TRHDE: variants seen among roughly 807,000 people sequenced by gnomAD.
TRHDE encodes the protein thyrotropin-releasing hormone-degrading ectoenzyme.
Under a neutral mutation model 125.7 loss-of-function variants are expected in TRHDE, and 72 were observed. The observed-to-expected ratio is 0.57, with a 90% CI of 0.47 to 0.70. The LOEUF is 0.70. Among genes scored for constraint, TRHDE ranks in the 30% least tolerant of loss-of-function variants. The pLI is 0.00. For synonymous variants in TRHDE, 509 were observed against 509.1 expected (o/e 1.00, Z 0.00); for missense variants, 1,110 against 1,327.1 (o/e 0.84, Z 2.54).
intron 2 of TRHDE, among the ~76,000 whole-genome samples, chr12:72,348,128 A>G (rs1006432804): frequency 6.6e-6 from 1 of 152,038 alleles, no homozygotes; most frequent in Non-Finnish European, 1.5e-5. Flanking sequence ...ATATGTATAT[A>G]CTTATATATA....
chr12:72,415,228 A>G (rs1351918669), intron 3 of TRHDE, among the ~76,000 whole-genome samples: 1 of 152,110 alleles, frequency 6.6e-6, no homozygotes, highest in Non-Finnish European at 1.5e-5. Flanking sequence ...TTTAGTTGTT[A>G]TGCATACATA....
In TRHDE at chr12:72,377,978, T is replaced by C. The variant is rs577240390; in HGVS notation, c.1189-17T>C. ...TGCTAAAAGGCTAAAGTAACTTTTA[T>C]ATATATTTTTAATTAGGTACGATTA... is the stretch of plus-strand genomic sequence containing the variant. On this transcript the variant is annotated splice_polypyrimidine_tract_variant and intron_variant, in intron 2 of 18. Transcript: ENST00000261180. The C allele has an allele frequency of 2.6e-6, 4 of 1,541,608 alleles. No individual in the cohort carries two copies. Among genetic ancestry groups the C allele is most frequent in the Non-Finnish European group, 3.5e-6 (4 of 1,147,714 alleles).
intron 2 of TRHDE, among the ~76,000 whole-genome samples, chr12:72,373,165 G>A (rs1198306617): frequency 6.6e-6 from 1 of 152,154 alleles, no homozygotes; most frequent in Non-Finnish European, 1.5e-5. Context: ...GTGAATGGGA[G>A]TTCACTCATG....
At chr12:72,350,374 T>C (rs747524968) in intron 2 of TRHDE, among the ~76,000 whole-genome samples, 2 of 152,046 alleles carry the variant, frequency 1.3e-5, no homozygotes, top group Non-Finnish European at 2.9e-5. Flanking sequence ...CATCTCTCTG[T>C]TGCAAGCCAT....
intron 15 of TRHDE, among the ~76,000 whole-genome samples, chr12:72,640,706 G>A (rs1874021247): frequency 6.6e-6 from 1 of 152,322 alleles, no homozygotes; most frequent in South Asian, 2.1e-4. Context: ...CATGCTGGGA[G>A]CTGTAGACCG....
At chr12:72,109,619 C>T (rs1041302189) in intron 2 of TRHDE, among the ~76,000 whole-genome samples, 5 of 105,380 alleles carry the variant, frequency 4.7e-5, no homozygotes, top group African/African-American at 1.7e-4. Flanking sequence ...TGTCTTTACA[C>T]AACAATGTTT....
chr12:72,635,835 G>A (rs1873719368), intron 15 of TRHDE, among the ~76,000 whole-genome samples: 1 of 152,114 alleles, frequency 6.6e-6, no homozygotes, highest in Admixed American at 6.5e-5. Flanking sequence ...TTATTTCTGA[G>A]GGCTCTGTTC....
chr12:72,599,664 TTGTC>T (rs1366426894), intron 12 of TRHDE, among the ~76,000 whole-genome samples: 5 of 152,176 alleles, frequency 3.3e-5, no homozygotes, highest in South Asian at 2.1e-4. Flanking sequence ...ATTCTTTAGT[TTGTC>T]TGTCTACTCC....
chr12:72,328,157 T>A (rs2135716847), intron 2 of TRHDE, among the ~76,000 whole-genome samples: 1 of 152,308 alleles, frequency 6.6e-6, no homozygotes, highest in East Asian at 1.9e-4. Flanking sequence ...AAGTCCATTC[T>A]GAAATTGATG....
intron 2 of TRHDE, among the ~76,000 whole-genome samples, chr12:72,208,988 C>G (rs1877723482): frequency 6.6e-6 from 1 of 152,164 alleles, no homozygotes; most frequent in Non-Finnish European, 1.5e-5. Context: ...TAATCCCTGC[C>G]TTTCTGCGGC....
In TRHDE at chr12:72,473,166, C is replaced by G. The variant is rs527918088; in HGVS notation, c.1570C>G (p.Pro524Ala). ...FEFVGTDYLY[P>A]GWNMEKQRFL... is the part of the protein sequence containing the mutation. ...ATTTGTTGGTACAGACTACCTCTATCCTGGCTGGAACATGGTAAGTGCACT... is the reference window on the plus strand; with the variant it reads ...ATTTGTTGGTACAGACTACCTCTATGCTGGCTGGAACATGGTAAGTGCACT... The change falls in exon 5 of 19, where the codon CCT (proline) becomes GCT (alanine). Residue 524 changes from proline (P) to alanine (A), a missense_variant. This residue lies in a region of TRHDE where 527 missense variants were observed against 651.8 expected (regional missense o/e 0.81). Transcript: ENST00000261180. The G allele has an allele frequency of 1.2e-6, 2 of 1,613,512 alleles. No individual in the cohort carries two copies. The highest frequency in any genetic ancestry group is 2.2e-5 in the East Asian group (1 of 44,840).
intron 6 of TRHDE, among the ~76,000 whole-genome samples, chr12:72,507,268 T>C (rs1387079965): frequency 6.6e-6 from 1 of 151,972 alleles, no homozygotes; most frequent in Non-Finnish European, 1.5e-5. Flanking sequence ...TACCTGAAAA[T>C]ATGGAAGCAA....
At chr12:72,100,121 T>C (rs1469584990) in intron 1 of TRHDE, among the ~76,000 whole-genome samples, 1 of 152,182 alleles carries the variant, frequency 6.6e-6, no homozygotes, top group Non-Finnish European at 1.5e-5. Context: ...ATTCTCAGGG[T>C]AAAAATCTAA....
chr12:72,434,351 C>T (rs1039574066), intron 3 of TRHDE, among the ~76,000 whole-genome samples: 2 of 147,650 alleles, frequency 1.4e-5, no homozygotes, highest in African/African-American at 5.0e-5. Context: ...CACCACTGCA[C>T]TCCAGCCTGG....
intron 2 of TRHDE, chr12:72,263,386 T>C (rs1327999146): frequency 1.4e-5 from 2 of 145,176 alleles, no homozygotes; most frequent in Non-Finnish European, 3.0e-5. Context: ...GTTTCTCTAG[T>C]GTGTGTGCAT....
intron 3 of TRHDE, among the ~76,000 whole-genome samples, chr12:72,403,164 T>C (rs1264841782): frequency 1.3e-5 from 2 of 152,100 alleles, no homozygotes; most frequent in Admixed American, 6.5e-5. Context: ...TCTAGTGGCA[T>C]GGACAAAGAG....
chr12:72,357,669 T>C (rs1414089438), intron 2 of TRHDE, among the ~76,000 whole-genome samples: 1 of 151,536 alleles, frequency 6.6e-6, no homozygotes. Flanking sequence ...GCAATGACCA[T>C]TAGAGTGTAA....
intron 10 of TRHDE, among the ~76,000 whole-genome samples, chr12:72,575,042 AAAC>A (rs1403252807): frequency 6.6e-6 from 1 of 152,166 alleles, no homozygotes; most frequent in African/African-American, 2.4e-5. Context: ...AATTATAAGA[AAAC>A]AATTAATTGA....
At chr12:72,596,306 T>C (rs1045264985) in intron 12 of TRHDE, among the ~76,000 whole-genome samples, 9 of 152,228 alleles carry the variant, frequency 5.9e-5, no homozygotes, top group African/African-American at 1.9e-4. Context: ...AAATCACTTT[T>C]ACATGGAAAA....
Sources: allele counts gnomAD v4.1 joint callset (sites outside exome capture counted in the v4.1 genomes callset), GRCh38; gene constraint gnomAD v4.1.1; regional missense constraint gnomAD v4.1.1; transcripts MANE v1.5; gene names NCBI Gene and HGNC (gene_info 2026-07-23, HGNC 2026-07-21).